The following PACRG variants were observed in gnomAD, a reference collection of about 807,000 sequenced individuals.
The protein encoded by PACRG is parkin coregulated gene protein.
Under a neutral mutation model 29.7 loss-of-function variants are expected in PACRG, and 29 were observed. That is an observed-to-expected ratio of 0.98 (90% CI 0.73 to 1.33). The LOEUF is 1.33. Among genes scored for constraint, PACRG ranks in the 40% most tolerant of loss-of-function variants. PACRG has a pLI of 0.00. For missense variants in PACRG, 279 were observed against 316.2 expected (o/e 0.88, Z 0.89); for synonymous variants, 116 against 118.7 (o/e 0.98, Z 0.15).
chr6:163,131,429 A>G (rs1032947294), intron 4 of PACRG, among the ~76,000 whole-genome samples: 2 of 152,094 alleles, frequency 1.3e-5, no homozygotes, highest in African/African-American at 2.4e-5. Context: ...GGACGCAGAG[A>G]GGGGGCCGAT....
At chr6:163,216,530 T>G (rs889592004) in intron 4 of PACRG, among the ~76,000 whole-genome samples, 2 of 152,176 alleles carry the variant, frequency 1.3e-5, no homozygotes, top group Non-Finnish European at 2.9e-5. Context: ...AAAGCAAGGA[T>G]AGCTGATAAA....
intron 2 of PACRG, among the ~76,000 whole-genome samples, chr6:163,040,854 C>T (rs1468096972): frequency 3.3e-5 from 5 of 152,106 alleles, no homozygotes; most frequent in Non-Finnish European, 7.4e-5. Flanking sequence ...AAGGTACTTG[C>T]CTTTTTTCAG....
upstream of PACRG, chr6:162,727,188 T>TA (rs1779268346): frequency 6.4e-6 from 1 of 156,714 alleles, no homozygotes; most frequent in Non-Finnish European, 1.4e-5. Flanking sequence ...TGCCTTCCAT[T>TA]AGAGTTTAAT....
At chr6:163,185,083 A>G (rs1159037) in intron 4 of PACRG, among the ~76,000 whole-genome samples, 118,255 of 152,058 alleles carry the variant, frequency 0.78, 46,447 homozygotes, top group Non-Finnish European at 0.84. Context: ...AATTTAGCAC[A>G]CCACCATATA....
Position 162,728,111 on chromosome 6 carries a change from G to C in PACRG, c.-125G>C, listed in dbSNP as rs1452910125. 1 of 1,167,708 alleles carries C rather than the reference G, an allele frequency of 8.6e-7. No homozygotes were observed. The highest frequency in any genetic ancestry group is 1.2e-6 in the Non-Finnish European group (1 of 821,368). 72.3% of individuals were successfully genotyped at this position (1,167,708 alleles called of 1,614,324 possible). A position where few individuals can be genotyped will look rare whatever the true frequency, so the allele number is the denominator to read the frequency against. ...ACATCTGGATCAACCTGGGCACTAC[G>C]AGGGGTTGAATTTCTACCATTATCG... On this transcript the variant is annotated 5_prime_UTR_variant, in exon 1 of 5. Coordinates refer to ENST00000366888, the MANE Select transcript of PACRG (RefSeq NM_001080379.2).
chr6:163,058,373 G>C (rs1810776876), intron 2 of PACRG, among the ~76,000 whole-genome samples: 1 of 152,168 alleles, frequency 6.6e-6, no homozygotes, highest in Admixed American at 6.5e-5. Flanking sequence ...TGTCTCTGGT[G>C]GCAGTGAGAC....
rs1038143359 is a variant in PACRG, at chr6:163,139,853, C to G, written c.613+50445C>G. On this transcript the variant is annotated intron_variant, in intron 4 of 4. Coordinates refer to ENST00000366888, the MANE Select transcript of PACRG (RefSeq NM_001080379.2). ...CTATTTTCTTTGTAGACTTTCTAGT[C>G]TAACTAGATGCGTTTGCTAAGGAGT... Among the ~76,000 whole-genome samples, 2 of 152,240 alleles carry G rather than the reference C, an allele frequency of 1.3e-5. 1 individual carries two copies. The highest frequency in any genetic ancestry group is 1.3e-4 in the Admixed American group (2 of 15,282).
intron 4 of PACRG, among the ~76,000 whole-genome samples, chr6:163,238,059 G>T (rs974904711): frequency 6.6e-6 from 1 of 152,170 alleles, no homozygotes; most frequent in African/African-American, 2.4e-5. Flanking sequence ...CTGTGGAAGG[G>T]AGTGTTGCCA....
rs191922454 is a variant in PACRG, at chr6:163,200,863, C to T, written c.613+111455C>T. Among the ~76,000 whole-genome samples, 102 of 152,330 alleles carry T rather than the reference C, an allele frequency of 6.7e-4. 1 individual carries two copies. The South Asian group carries it at 0.017, about 26-fold the overall frequency. On this transcript the variant is annotated intron_variant, in intron 4 of 4. Coordinates refer to ENST00000366888, the MANE Select transcript of PACRG (RefSeq NM_001080379.2). The stretch of plus-strand genomic sequence containing the variant: ...GATGCTTGGTCACCCTACTTCTGCA[C>T]GTCAGCGTGCTTGGGAAGCGCCCTG...
chr6:163,030,157 A>G (rs183837524), intron 2 of PACRG, among the ~76,000 whole-genome samples: 4 of 152,182 alleles, frequency 2.6e-5, no homozygotes, highest in African/African-American at 9.6e-5. Context: ...CTGATGTGAA[A>G]TGTACCATCA....
chr6:162,845,734 G>C (rs1250549401), intron 2 of PACRG, among the ~76,000 whole-genome samples: 1 of 152,024 alleles, frequency 6.6e-6, no homozygotes, highest in Non-Finnish European at 1.5e-5. Context: ...GTATTTTCTT[G>C]AATCACATGT....
At chr6:162,789,403 A>G (rs1784761800) in intron 1 of PACRG, among the ~76,000 whole-genome samples, 1 of 152,166 alleles carries the variant, frequency 6.6e-6, no homozygotes, top group Non-Finnish European at 1.5e-5. Flanking sequence ...GCATAACCAT[A>G]TTGGTACATC....
chr6:162,989,741 CT>C (rs1170736934), intron 2 of PACRG, among the ~76,000 whole-genome samples: 1 of 132,150 alleles, frequency 7.6e-6, no homozygotes, highest in African/African-American at 2.8e-5. Flanking sequence ...TTTTTCTTTT[CT>C]TTTTTTTTAT....
At chr6:163,266,006 A>T (rs1325570409) in intron 4 of PACRG, among the ~76,000 whole-genome samples, 2 of 152,228 alleles carry the variant, frequency 1.3e-5, no homozygotes, top group African/African-American at 4.8e-5. Flanking sequence ...CTTTCCAATT[A>T]TCTTCTCATA....
In PACRG at chr6:162,925,468, G is replaced by A. The variant is rs116710552; in HGVS notation, c.291+111187G>A. ...GTGCATCAGAAAGCTTATCTACCAC[G>A]ATCAAGTGAGCTTCATGCCTGGAAT... On this transcript the variant is annotated intron_variant, in intron 2 of 4. Coordinates refer to ENST00000366888, the MANE Select transcript of PACRG (RefSeq NM_001080379.2). 8.3e-3 allele frequency among the ~76,000 whole-genome samples: 1,256 copies of A among 152,204 alleles called. 11 individuals are homozygous for A. Among genetic ancestry groups the A allele is most frequent in the African/African-American group, 0.027 (1,138 of 41,524 alleles).
intron 2 of PACRG, among the ~76,000 whole-genome samples, chr6:162,833,980 G>A (rs188943602): frequency 6.6e-6 from 1 of 152,134 alleles, no homozygotes; most frequent in East Asian, 1.9e-4. Context: ...CATCTTGCAA[G>A]ACTGAAACTC....
At chr6:162,773,675 C>T (rs969984053) in intron 1 of PACRG, among the ~76,000 whole-genome samples, 11 of 151,452 alleles carry the variant, frequency 7.3e-5, no homozygotes, top group South Asian at 2.1e-4. Flanking sequence ...CCACCGCGCC[C>T]GGCTAATTTT....
intron 2 of PACRG, among the ~76,000 whole-genome samples, chr6:162,839,534 T>G (rs1234109156): frequency 1.4e-4 from 22 of 151,964 alleles, no homozygotes; most frequent in African/African-American, 3.4e-4. Context: ...TTTCTCCCAT[T>G]TTGTAGGTTG....
chr6:162,871,645 G>A (rs370240088), intron 2 of PACRG, among the ~76,000 whole-genome samples: 3 of 151,920 alleles, frequency 2.0e-5, no homozygotes, highest in African/African-American at 4.8e-5. Flanking sequence ...TCGGCTGGGC[G>A]CGGTGGCTCA....
Sources: gnomAD v4.1 joint callset for allele counts (sites outside exome capture counted in the v4.1 genomes callset) on GRCh38, gnomAD v4.1.1 for gene constraint, MANE v1.5 for transcripts, NCBI Gene and HGNC (gene_info 2026-07-23, HGNC 2026-07-21) for gene names.